The following BMP5 variants were observed in gnomAD, a reference collection of about 807,000 sequenced individuals.
The protein encoded by BMP5 is bone morphogenetic protein 5.
BMP5 carries 23 observed loss-of-function variants against 46.6 expected under a neutral mutation model. The ratio of observed to expected loss-of-function variants is 0.49; its 90% CI spans 0.35 to 0.70. The LOEUF (loss-of-function observed/expected upper bound fraction) is 0.70, where lower values mean the gene tolerates loss of function less well. Ranked by LOEUF, BMP5 falls within the 30% of genes least tolerant of loss-of-function variation. BMP5 has a pLI of 0.00. For missense variants in BMP5, 545 were observed against 565.6 expected (o/e 0.96, Z 0.37); for synonymous variants, 204 against 191.9 (o/e 1.06, Z -0.52).
At chr6:55,817,225 T>C (rs960842476) in intron 2 of BMP5, among the ~76,000 whole-genome samples, 6 of 152,164 alleles carry the variant, frequency 3.9e-5, no homozygotes, top group African/African-American at 1.4e-4. Flanking sequence ...AGAAATACCA[T>C]TTGACCCAGC....
chr6:55,812,748 C>T (rs2127535863), intron 2 of BMP5, among the ~76,000 whole-genome samples: 1 of 152,226 alleles, frequency 6.6e-6, no homozygotes. Context: ...GGTACTAGTT[C>T]CTTTTTCTAC....
chr6:55,829,578 T>C (rs887990023), intron 1 of BMP5, among the ~76,000 whole-genome samples: 6 of 151,878 alleles, frequency 4.0e-5, no homozygotes, highest in African/African-American at 1.2e-4. Context: ...ATGTCACACA[T>C]TTATTTTCAG....
intron 1 of BMP5, among the ~76,000 whole-genome samples, chr6:55,832,573 T>C (rs12191046): frequency 0.026 from 3,924 of 152,302 alleles, 71 homozygotes; most frequent in Middle Eastern, 0.065. Flanking sequence ...TACTTATATG[T>C]GAAATATATT....
Position 55,832,955 on chromosome 6 carries a change from T to A in BMP5, c.491-13108A>T, listed in dbSNP as rs537733003. 6.4e-3 allele frequency among the ~76,000 whole-genome samples: 953 copies of A among 147,980 alleles called. 12 individuals carry two copies. The highest frequency in any genetic ancestry group is 0.022 in the African/African-American group (906 of 40,494). On this transcript the variant is annotated intron_variant, in intron 1 of 6. Coordinates refer to ENST00000370830, the MANE Select transcript of BMP5 (RefSeq NM_021073.4). ...GCAAGACCCTGTCTCTACAAAAATT[T>A]AAAAAAAAAAATTATTGGGGAATGG...
intron 2 of BMP5, among the ~76,000 whole-genome samples, chr6:55,806,524 TTTGCTTAGGAATG>T (rs2127533467): frequency 6.6e-6 from 1 of 152,334 alleles, no homozygotes; most frequent in Non-Finnish European, 1.5e-5. Flanking sequence ...CTTTGTTCTT[TTTGCTTAGGAATG>T]TCTTGGCTCT....
intron 1 of BMP5, among the ~76,000 whole-genome samples, chr6:55,842,265 T>C (rs573751529): frequency 4.6e-5 from 7 of 152,272 alleles, no homozygotes; most frequent in African/African-American, 1.4e-4. Flanking sequence ...CTATCTTAGG[T>C]ATCTTTACTC....
At chr6:55,872,004 G>A (rs919279102) in intron 1 of BMP5, among the ~76,000 whole-genome samples, 5 of 151,640 alleles carry the variant, frequency 3.3e-5, no homozygotes, top group African/African-American at 9.7e-5. Flanking sequence ...ATTTGCTAAC[G>A]GATATTACAT....
intron 2 of BMP5, among the ~76,000 whole-genome samples, chr6:55,797,976 T>C (rs1442575944): frequency 1.3e-5 from 2 of 152,086 alleles, no homozygotes; most frequent in African/African-American, 4.8e-5. Flanking sequence ...TTTCTCTCAT[T>C]TCTGGAGGCT....
intron 1 of BMP5, among the ~76,000 whole-genome samples, chr6:55,824,990 G>A (rs1252491939): frequency 6.6e-6 from 1 of 151,838 alleles, no homozygotes; most frequent in Non-Finnish European, 1.5e-5. Flanking sequence ...ATGGATGGAG[G>A]TGTAGATCAT....
Position 55,755,655 on chromosome 6 carries a change from G to T in BMP5, c.1243C>A (p.Pro415Thr). 1 of 1,612,304 alleles carries T rather than the reference G, an allele frequency of 6.2e-7. No individual in the cohort carries two copies. Reference sequence around the variant, plus strand: ...TTGGTTGGAGCACAACAAGGCTTTGGTACGTGGTCAGGAAACATCAGATGA... The same window carrying T: ...TTGGTTGGAGCACAACAAGGCTTTGTTACGTGGTCAGGAAACATCAGATGA... ...LVHLMFPDHVPKPCCAPTKLN... is the reference protein window; with the variant it reads ...LVHLMFPDHVTKPCCAPTKLN... Residue 415 changes from proline (P) to threonine (T), a missense_variant, in exon 7 of 7, where the codon CCA (proline) becomes ACA (threonine). Transcript: ENST00000370830.
chr6:55,804,103 T>C (rs1230978075), intron 2 of BMP5, among the ~76,000 whole-genome samples: 3 of 152,256 alleles, frequency 2.0e-5, no homozygotes, highest in Non-Finnish European at 4.4e-5. Context: ...CTCCCTGTTA[T>C]GGGTTAAATT....
intron 1 of BMP5, among the ~76,000 whole-genome samples, chr6:55,828,778 T>A (rs1462110155): frequency 6.6e-6 from 1 of 151,676 alleles, no homozygotes; most frequent in African/African-American, 2.4e-5. Context: ...TAAGACACAG[T>A]TTGTATAGTT....
chr6:55,848,604 T>C (rs1211003692), intron 1 of BMP5, among the ~76,000 whole-genome samples: 1 of 151,974 alleles, frequency 6.6e-6, no homozygotes, highest in East Asian at 1.9e-4. Context: ...TAAATATTTA[T>C]TGATGACTGA....
intron 3 of BMP5, among the ~76,000 whole-genome samples, chr6:55,780,257 G>C: frequency 6.6e-6 from 1 of 151,562 alleles, no homozygotes; most frequent in South Asian, 2.1e-4. Context: ...AATCCAGGAA[G>C]GGCTATTATT....
chr6:55,828,794 G>C (rs541214118), intron 1 of BMP5, among the ~76,000 whole-genome samples: 13 of 151,730 alleles, frequency 8.6e-5, no homozygotes, highest in Admixed American at 5.3e-4. Context: ...TAGTTTAAAG[G>C]ATATGAGGAT....
intron 1 of BMP5, among the ~76,000 whole-genome samples, chr6:55,840,494 T>C (rs1028401836): frequency 2.0e-5 from 3 of 152,116 alleles, no homozygotes; most frequent in Non-Finnish European, 2.9e-5. Flanking sequence ...TAACTGTAAA[T>C]TTTGTATAGA....
intron 1 of BMP5, among the ~76,000 whole-genome samples, chr6:55,833,099 G>C (rs1024241057): frequency 6.6e-6 from 1 of 152,148 alleles, no homozygotes; most frequent in Non-Finnish European, 1.5e-5. Flanking sequence ...CTGTGCGACA[G>C]AGCAAGATCC....
intron 1 of BMP5, among the ~76,000 whole-genome samples, chr6:55,830,748 A>C (rs1017885775): frequency 6.6e-6 from 1 of 152,130 alleles, no homozygotes; most frequent in African/African-American, 2.4e-5. Context: ...ACAATAGAAA[A>C]GGCTGAATTA....
At chr6:55,774,331 G>C in intron 3 of BMP5, 88 bp from the exon 4 acceptor site, 1 of 1,308,246 alleles carries the variant, frequency 7.6e-7, no homozygotes, top group Non-Finnish European at 1.1e-6. Flanking sequence ...TTTGAAAAGG[G>C]GAAAAGTTTT....
Sources: allele counts gnomAD v4.1 joint callset (sites outside exome capture counted in the v4.1 genomes callset), GRCh38; gene constraint gnomAD v4.1.1; transcripts MANE v1.5; gene names NCBI Gene and HGNC (gene_info 2026-07-23, HGNC 2026-07-21).